THEM4: variants seen among roughly 807,000 people sequenced by gnomAD.
The protein encoded by THEM4 is thioesterase superfamily member 4, also known as acyl-coenzyme A thioesterase THEM4.
In THEM4, 22 loss-of-function variants were observed where a neutral mutation model predicts 25.0. That is an observed-to-expected ratio of 0.88 (90% CI 0.63 to 1.26). The LOEUF (loss-of-function observed/expected upper bound fraction) is 1.26, where lower values mean the gene tolerates loss of function less well. THEM4 is among the 50% of genes most tolerant of loss of function. The pLI is 0.00. For synonymous variants in THEM4, 113 were observed against 105.6 expected (o/e 1.07, Z -0.43); for missense variants, 286 against 300.3 (o/e 0.95, Z 0.35).
intron 1 of THEM4, among the ~76,000 whole-genome samples, chr1:151,895,595 T>C (rs961954490): frequency 6.6e-6 from 1 of 151,608 alleles, no homozygotes; most frequent in African/African-American, 2.4e-5. Context: ...GAAGTACTCA[T>C]CTAGGATTAG....
chr1:151,909,498 C>T lies in THEM4; in HGVS notation c.-40G>A. 4 of 1,334,528 alleles carry T rather than the reference C, an allele frequency of 3.0e-6. No individual in the cohort carries two copies. The highest frequency in any genetic ancestry group is 1.8e-5 in the South Asian group (1 of 54,302). 82.7% of individuals were successfully genotyped at this position (1,334,528 alleles called of 1,614,324 possible). ...GGGCCGCGCTTGCTCTAGCCCTGGACGGCGCACTCTACCTCCGCCACAAGA... is the reference window on the plus strand; with the variant it reads ...GGGCCGCGCTTGCTCTAGCCCTGGATGGCGCACTCTACCTCCGCCACAAGA... On this transcript the variant is annotated 5_prime_UTR_variant, in exon 1 of 6. Coordinates refer to ENST00000368814, the MANE Select transcript of THEM4 (RefSeq NM_053055.5).
chr1:151,898,684 C>T (rs756877203), intron 1 of THEM4, among the ~76,000 whole-genome samples: 1 of 152,254 alleles, frequency 6.6e-6, no homozygotes, highest in Non-Finnish European at 1.5e-5. Flanking sequence ...GAGTCCACTG[C>T]ACCCTCTGCC....
At chr1:151,883,762 T>C (rs764990779) in intron 4 of THEM4, among the ~76,000 whole-genome samples, 10 of 151,098 alleles carry the variant, frequency 6.6e-5, no homozygotes, top group Admixed American at 1.3e-4. Flanking sequence ...CCAAGTAGCC[T>C]GGCCTTAACT....
intron 1 of THEM4, among the ~76,000 whole-genome samples, chr1:151,908,407 AT>A (rs1483749698): frequency 6.6e-6 from 1 of 152,146 alleles, no homozygotes; most frequent in Non-Finnish European, 1.5e-5. Context: ...CATGGCCCAG[AT>A]TCATCCTGGC....
rs761815037 is a variant in THEM4, at chr1:151,871,806, G to A, written c.*3082C>T. Among the ~76,000 whole-genome samples, 9 of 152,168 alleles carry A rather than the reference G, an allele frequency of 5.9e-5. No homozygotes were observed. Among genetic ancestry groups the A allele is most frequent in the Non-Finnish European group, 1.3e-4 (9 of 68,030 alleles). Reference sequence around the variant, plus strand: ...GGTTCTTTCACTTGGCTGGAGGTCTGGTGTGCCATAGCAGTTCTGCAAGCC... The same window carrying A: ...GGTTCTTTCACTTGGCTGGAGGTCTAGTGTGCCATAGCAGTTCTGCAAGCC... On this transcript the variant is annotated 3_prime_UTR_variant, in exon 6 of 6. Transcript: ENST00000368814.
At chr1:151,895,332 A>C (rs1553300832) in intron 1 of THEM4, 138 bp from the exon 2 acceptor site, 2 of 763,920 alleles carry the variant, frequency 2.6e-6, no homozygotes, top group East Asian at 2.7e-5. Context: ...AGGGAATTTC[A>C]GGGATCATCT....
Position 151,873,820 on chromosome 1 carries a change from C to T in THEM4, c.*1068G>A, listed in dbSNP as rs1653607928. ...GAAGCCAAGGAACACCTGAGGCTCCCAGAAGCCAGGAGGGAGGCGTGGACA... is the reference window on the plus strand; with the variant it reads ...GAAGCCAAGGAACACCTGAGGCTCCTAGAAGCCAGGAGGGAGGCGTGGACA... On this transcript the variant is annotated 3_prime_UTR_variant, in exon 6 of 6. Coordinates refer to ENST00000368814, the MANE Select transcript of THEM4 (RefSeq NM_053055.5). The T allele has an allele frequency of 6.6e-6, 1 of 152,248 alleles. No individual in the cohort carries two copies. The highest frequency in any genetic ancestry group is 6.5e-5 in the Admixed American group (1 of 15,276). 9.4% of individuals were successfully genotyped at this position (152,248 alleles called of 1,614,324 possible).
chr1:151,908,031 G>C (rs775760296), intron 1 of THEM4, among the ~76,000 whole-genome samples: 3 of 152,226 alleles, frequency 2.0e-5, no homozygotes, highest in Non-Finnish European at 4.4e-5. Context: ...AGGGAGTCTA[G>C]CTCTGTCCCA....
chr1:151,894,269 A>G (rs901643448), intron 2 of THEM4, among the ~76,000 whole-genome samples: 6 of 152,246 alleles, frequency 3.9e-5, no homozygotes, highest in South Asian at 2.1e-4. Context: ...GAATGATTCA[A>G]ATATACTATA....
At chr1:151,903,270 A>C (rs187153017) in intron 1 of THEM4, among the ~76,000 whole-genome samples, 40 of 152,326 alleles carry the variant, frequency 2.6e-4, no homozygotes, top group African/African-American at 8.4e-4. Flanking sequence ...TCTTTCCTCC[A>C]AATTTTTTAA....
At chr1:151,904,251 G>A (rs1319742356) in intron 1 of THEM4, among the ~76,000 whole-genome samples, 1 of 151,868 alleles carries the variant, frequency 6.6e-6, no homozygotes, top group Non-Finnish European at 1.5e-5. Flanking sequence ...AGAACTAGAG[G>A]GATCACACCA....
chr1:151,901,041 C>T (rs1422395977), intron 1 of THEM4, among the ~76,000 whole-genome samples: 2 of 152,240 alleles, frequency 1.3e-5, no homozygotes, highest in Non-Finnish European at 2.9e-5. Context: ...TTGGCCCATC[C>T]CTTTGTTTCC....
At chr1:151,893,527 C>T (rs1459444020) in intron 2 of THEM4, among the ~76,000 whole-genome samples, 1 of 151,892 alleles carries the variant, frequency 6.6e-6, no homozygotes, top group Non-Finnish European at 1.5e-5. Context: ...TTCAGTAGGC[C>T]AAAGAAAATG....
At chr1:151,892,699 G>T (rs1424505114) in intron 2 of THEM4, among the ~76,000 whole-genome samples, 3 of 152,168 alleles carry the variant, frequency 2.0e-5, no homozygotes, top group Non-Finnish European at 4.4e-5. Context: ...AAAGTGCCTT[G>T]CTCAAAGTTG....
chr1:151,872,017 G>C lies in THEM4; in HGVS notation c.*2871C>G, dbSNP rs1653564524. Among the ~76,000 whole-genome samples, 1 of 152,182 alleles carries C rather than the reference G, an allele frequency of 6.6e-6. No homozygotes were observed. Among genetic ancestry groups the C allele is most frequent in the African/African-American group, 2.4e-5 (1 of 41,446 alleles). On this transcript the variant is annotated 3_prime_UTR_variant, in exon 6 of 6. Transcript: ENST00000368814. ...AGTTTCAGGATTTGTTGGAAGACTG[G>C]GAATAGAGGGTGGCCATTGCCAGAC...
At chr1:151,887,440 T>A (rs533931230) in intron 4 of THEM4, among the ~76,000 whole-genome samples, 82 of 149,578 alleles carry the variant, frequency 5.5e-4, no homozygotes, top group African/African-American at 1.9e-3. Flanking sequence ...AAAATAATAA[T>A]AATAATAATA....
At position 151,871,923 on chromosome 1, in the gene THEM4, T is replaced by C. The variant is rs1225286666; in HGVS notation, c.*2965A>G. Among the ~76,000 whole-genome samples the C allele has an allele frequency of 6.6e-6, 1 of 152,244 alleles. No homozygotes were observed. The highest frequency in any genetic ancestry group is 1.5e-5 in the Non-Finnish European group (1 of 68,050). ...GTGAAACTAGCTAAATGAGCAGCGC[T>C]GGCTTATTCCTTCGGAGTCATATTT... On this transcript the variant is annotated 3_prime_UTR_variant, in exon 6 of 6. Transcript: ENST00000368814.
At chr1:151,903,117 G>A (rs1351822961) in intron 1 of THEM4, among the ~76,000 whole-genome samples, 3 of 152,060 alleles carry the variant, frequency 2.0e-5, no homozygotes, top group Non-Finnish European at 4.4e-5. Context: ...CTTAGCCCAG[G>A]ATTTGTAATC....
intron 4 of THEM4, among the ~76,000 whole-genome samples, 173 bp from the exon 5 acceptor site, chr1:151,877,298 G>T (rs1653706191): frequency 6.6e-6 from 1 of 152,064 alleles, no homozygotes; most frequent in East Asian, 1.9e-4. Context: ...AGCCTCTCAA[G>T]CTCCCCCTCT....
Sources: allele counts gnomAD v4.1 joint callset (sites outside exome capture counted in the v4.1 genomes callset), GRCh38; gene constraint gnomAD v4.1.1; transcripts MANE v1.5; gene names NCBI Gene and HGNC (gene_info 2026-07-23, HGNC 2026-07-21).